The following CACNA1C variants were observed in gnomAD, a reference collection of about 807,000 sequenced individuals.
The protein encoded by CACNA1C is voltage-dependent L-type calcium channel subunit alpha-1C.
In CACNA1C, 30 loss-of-function variants were observed where a neutral mutation model predicts 229.0. The observed-to-expected ratio is 0.13, with a 90% confidence interval of 0.10 to 0.18. CACNA1C has a LOEUF of 0.18. CACNA1C is among the 10% of genes least tolerant of loss of function. CACNA1C has a pLI of 1.00. For missense variants in CACNA1C, 1,658 were observed against 2,845.0 expected, an observed-to-expected ratio of 0.58 and a Z score of 9.49; for synonymous variants, 1,114 against 1,132.5, an observed-to-expected ratio of 0.98 and a Z score of 0.33.
At chr12:2,384,983 C>G (rs117381163) in intron 3 of CACNA1C, among the ~76,000 whole-genome samples, 2 of 152,242 alleles carry the variant, frequency 1.3e-5, no homozygotes, top group Non-Finnish European at 2.9e-5. Flanking sequence ...GGGAGGGGAG[C>G]CAACTGACCG....
At chr12:2,386,422 T>A (rs1393378750) in intron 3 of CACNA1C, among the ~76,000 whole-genome samples, 2 of 152,176 alleles carry the variant, frequency 1.3e-5, no homozygotes, top group African/African-American at 4.8e-5. Flanking sequence ...CCAACTTTCT[T>A]CAGTCCTGCC....
intron 29 of CACNA1C, among the ~76,000 whole-genome samples, chr12:2,631,360 G>C (rs1418481303): frequency 6.6e-6 from 1 of 152,100 alleles, no homozygotes; most frequent in South Asian, 2.1e-4. Flanking sequence ...TCTTGTTCTT[G>C]TTTGTCTCCC....
At chr12:2,484,441 G>A (rs2099689367) in intron 5 of CACNA1C, among the ~76,000 whole-genome samples, 1 of 152,178 alleles carries the variant, frequency 6.6e-6, no homozygotes, top group Non-Finnish European at 1.5e-5. Flanking sequence ...GGCCCTGTAG[G>A]GCACAGGAAG....
At chr12:2,286,794 A>G (rs2092743225) in intron 3 of CACNA1C, among the ~76,000 whole-genome samples, 2 of 152,302 alleles carry the variant, frequency 1.3e-5, no homozygotes, top group South Asian at 4.2e-4. Flanking sequence ...CATGCTTACA[A>G]CTTTTATGTT....
intron 1 of CACNA1C, among the ~76,000 whole-genome samples, chr12:1,977,373 T>G (rs2034735266): frequency 6.6e-6 from 1 of 152,176 alleles, no homozygotes; most frequent in Admixed American, 6.5e-5. Flanking sequence ...GGAAGACATT[T>G]TGGAAAGCTC....
At chr12:2,394,897 G>A (rs1460540133) in intron 3 of CACNA1C, among the ~76,000 whole-genome samples, 2 of 152,206 alleles carry the variant, frequency 1.3e-5, no homozygotes, top group South Asian at 2.1e-4. Flanking sequence ...GCCAGTGTAA[G>A]GCTAGACTTA....
intron 7 of CACNA1C, among the ~76,000 whole-genome samples, chr12:2,499,876 T>C (rs541079452): frequency 2.6e-5 from 4 of 152,234 alleles, no homozygotes; most frequent in Admixed American, 2.0e-4. Context: ...AGGACATCAA[T>C]CTCATGACTC....
chr12:2,474,642 G>T (rs2099612943), intron 5 of CACNA1C, among the ~76,000 whole-genome samples: 1 of 151,898 alleles, frequency 6.6e-6, no homozygotes, highest in Non-Finnish European at 1.5e-5. Flanking sequence ...GGTAATCCCA[G>T]TTGCTCGGGA....
At chr12:2,519,926 C>T (rs1402914745) in intron 9 of CACNA1C, among the ~76,000 whole-genome samples, 1 of 152,222 alleles carries the variant, frequency 6.6e-6, no homozygotes, top group Non-Finnish European at 1.5e-5. Context: ...ATTTTCCCAG[C>T]CAGGGGAGCA....
intron 34 of CACNA1C, among the ~76,000 whole-genome samples, chr12:2,659,228 C>G (rs904170840): frequency 6.6e-6 from 1 of 151,978 alleles, no homozygotes; most frequent in African/African-American, 2.4e-5. Context: ...ACAGGTGCAC[C>G]GTATTTAAAT....
At chr12:2,404,581 C>T (rs929716124) in intron 3 of CACNA1C, among the ~76,000 whole-genome samples, 6 of 152,160 alleles carry the variant, frequency 3.9e-5, no homozygotes, top group East Asian at 1.9e-4. Context: ...TTGCTGTGCA[C>T]GCCTCTCCTA....
chr12:2,480,060 C>T (rs1380283471), intron 5 of CACNA1C, among the ~76,000 whole-genome samples: 1 of 152,188 alleles, frequency 6.6e-6, no homozygotes. Context: ...GGGCCTTCCT[C>T]GTGTGCTTCC....
intron 3 of CACNA1C, among the ~76,000 whole-genome samples, chr12:2,386,443 A>G (rs2098392475): frequency 1.3e-5 from 2 of 152,228 alleles, no homozygotes; most frequent in South Asian, 4.2e-4. Flanking sequence ...ACACACAACC[A>G]ACTGCAGTGG....
At chr12:2,021,651 G>C (rs1200767308) in intron 1 of CACNA1C, among the ~76,000 whole-genome samples, 1 of 151,844 alleles carries the variant, frequency 6.6e-6, no homozygotes, top group Non-Finnish European at 1.5e-5. Flanking sequence ...TTGCACTCCA[G>C]CCTGGGCAAC....
At chr12:2,522,100 C>T (rs2099811135) in intron 9 of CACNA1C, among the ~76,000 whole-genome samples, 1 of 152,194 alleles carries the variant, frequency 6.6e-6, no homozygotes, top group Admixed American at 6.5e-5. Context: ...TCCTCCCCTG[C>T]TCCTCCGTGG....
At chr12:2,358,198 T>G (rs2097437776) in intron 3 of CACNA1C, among the ~76,000 whole-genome samples, 1 of 149,976 alleles carries the variant, frequency 6.7e-6, no homozygotes, top group African/African-American at 2.5e-5. Context: ...CGGGAGGGTG[T>G]GTCCACCCCA....
intron 3 of CACNA1C, among the ~76,000 whole-genome samples, chr12:2,418,251 T>G (rs2098936420): frequency 6.6e-6 from 1 of 152,160 alleles, no homozygotes; most frequent in Admixed American, 6.5e-5. Context: ...GCTCCCCACC[T>G]CCCACCTCTT....
At chr12:2,581,913 C>T (rs559250412) in intron 14 of CACNA1C, 116 bp downstream of exon 14, 11 of 619,608 alleles carry the variant, frequency 1.8e-5, no homozygotes, top group African/African-American at 9.3e-5. Flanking sequence ...CTAGATCAGC[C>T]CTGGAGAGCC....
At chr12:2,102,013 AGT>A (rs1210226016) in intron 1 of CACNA1C, among the ~76,000 whole-genome samples, 1 of 152,214 alleles carries the variant, frequency 6.6e-6, no homozygotes, top group Non-Finnish European at 1.5e-5. Context: ...ACACATTGGT[AGT>A]GTGCACATAC....
Sources: allele counts gnomAD v4.1 joint callset (sites outside exome capture counted in the v4.1 genomes callset), GRCh38; gene constraint gnomAD v4.1.1; transcripts MANE v1.5; gene names NCBI Gene and HGNC (gene_info 2026-07-23, HGNC 2026-07-21).